The following FAM13A variants were observed in gnomAD, a reference collection of about 807,000 sequenced individuals.
The protein encoded by FAM13A is protein FAM13A.
FAM13A carries 76 observed loss-of-function variants against 129.6 expected under a neutral mutation model. The observed-to-expected ratio is 0.59, with a 90% CI of 0.49 to 0.71. The LOEUF (loss-of-function observed/expected upper bound fraction) is 0.71. FAM13A is among the 30% of genes least tolerant of loss of function. FAM13A has a pLI of 0.00. For missense variants in FAM13A, 1,108 were observed against 1,249.3 expected (o/e 0.89, Z 1.70); for synonymous variants, 443 against 449.9 (o/e 0.98, Z 0.20).
chr4:88,897,013 G>C (rs112458978), intron 6 of FAM13A, among the ~76,000 whole-genome samples: 1 of 152,322 alleles, frequency 6.6e-6, no homozygotes, highest in African/African-American at 2.4e-5. Flanking sequence ...CAAGGGAAAA[G>C]AGAAGGAAGA....
intron 7 of FAM13A, among the ~76,000 whole-genome samples, chr4:88,834,291 G>T (rs1030346055): frequency 7.3e-5 from 11 of 150,872 alleles, no homozygotes; most frequent in African/African-American, 2.7e-4. Context: ...TCTTTTCTTA[G>T]TGTCATTCAT....
intron 14 of FAM13A, among the ~76,000 whole-genome samples, chr4:88,752,838 T>G (rs1357232883): frequency 6.6e-6 from 1 of 152,234 alleles, no homozygotes; most frequent in Non-Finnish European, 1.5e-5. Context: ...GTCATGATAT[T>G]TCATAAGACA....
At chr4:88,907,481 G>C (rs754351114) in intron 5 of FAM13A, among the ~76,000 whole-genome samples, 2 of 152,046 alleles carry the variant, frequency 1.3e-5, no homozygotes, top group Non-Finnish European at 2.9e-5. Context: ...TTTCTAAAGG[G>C]AACAATATAT....
At chr4:88,735,061 G>A (rs905656772) in intron 21 of FAM13A, among the ~76,000 whole-genome samples, 7 of 152,274 alleles carry the variant, frequency 4.6e-5, no homozygotes, top group African/African-American at 9.6e-5. Context: ...TCTGGAACCC[G>A]TATCACATAA....
At chr4:88,901,770 G>A (rs1240231547) in intron 6 of FAM13A, among the ~76,000 whole-genome samples, 1 of 151,784 alleles carries the variant, frequency 6.6e-6, no homozygotes, top group Non-Finnish European at 1.5e-5. Flanking sequence ...ACTGAAGGAG[G>A]TAGAGACATG....
At chr4:88,775,243 C>A (rs1375809797) in intron 11 of FAM13A, among the ~76,000 whole-genome samples, 2 of 152,094 alleles carry the variant, frequency 1.3e-5, no homozygotes, top group Non-Finnish European at 2.9e-5. Context: ...TCAAACACCC[C>A]AAGGCCTTGA....
intron 6 of FAM13A, among the ~76,000 whole-genome samples, chr4:88,864,890 C>T (rs1740114877): frequency 6.6e-6 from 1 of 152,154 alleles, no homozygotes; most frequent in African/African-American, 2.4e-5. Flanking sequence ...AAAACCTATG[C>T]ATAGTATATT....
intron 4 of FAM13A, among the ~76,000 whole-genome samples, chr4:88,979,842 G>A (rs1178705803): frequency 7.2e-5 from 11 of 152,210 alleles, no homozygotes; most frequent in African/African-American, 2.2e-4. Flanking sequence ...GTGGTGGCAT[G>A]TGTCTGTAAT....
intron 4 of FAM13A, among the ~76,000 whole-genome samples, chr4:88,938,751 G>GAATGTACTTA (rs1447285757): frequency 6.6e-6 from 1 of 152,080 alleles, no homozygotes; most frequent in African/African-American, 2.4e-5. Flanking sequence ...CTCTTCTTTT[G>GAATGTACTTA]AATGTACTTA....
intron 12 of FAM13A, 119 bp from the exon 13 acceptor site, chr4:88,767,714 T>A (rs900667302): frequency 2.5e-6 from 2 of 814,868 alleles, no homozygotes; most frequent in African/African-American, 3.5e-5. Context: ...AGCCAAATAC[T>A]TATAAAATTC....
At chr4:88,944,852 G>A (rs1013300340) in intron 4 of FAM13A, among the ~76,000 whole-genome samples, 21 of 151,090 alleles carry the variant, frequency 1.4e-4, no homozygotes, top group African/African-American at 5.1e-4. Flanking sequence ...GCAGTGAGCC[G>A]AGATCATGCC....
chr4:88,748,018 T>C (rs1305567842), intron 17 of FAM13A, among the ~76,000 whole-genome samples, 167 bp from the exon 18 acceptor site: 1 of 152,102 alleles, frequency 6.6e-6, no homozygotes, highest in Admixed American at 6.5e-5. Context: ...GTCTCCTGAG[T>C]AGCTGGGACT....
At position 88,781,288 on chromosome 4, in the gene FAM13A, A is replaced by G. The variant is rs747053933; in HGVS notation, c.1335T>C (p.Asn445=). 3 of 1,613,216 alleles carry G rather than the reference A, an allele frequency of 1.9e-6. No homozygotes were observed. The highest frequency in any genetic ancestry group is 2.5e-6 in the Non-Finnish European group (3 of 1,179,448). ...GFNHLDDCIL[N]TQEVEKVHKN... ...TGTGTACCTTTTCGACTTCCTGAGT[A>G]TTCAAAATACAATCATCAAGGTGGT... Residue 445 remains asparagine (N), a synonymous_variant, in exon 11 of 24, where the codon AAT becomes AAC. Transcript: ENST00000264344.
At chr4:88,997,623 G>A (rs2149042380) in intron 3 of FAM13A, among the ~76,000 whole-genome samples, 1 of 151,920 alleles carries the variant, frequency 6.6e-6, no homozygotes, top group Non-Finnish European at 1.5e-5. Context: ...TCACAGAATG[G>A]CACCTAACTC....
intron 13 of FAM13A, among the ~76,000 whole-genome samples, chr4:88,765,315 C>T: frequency 6.6e-6 from 1 of 152,140 alleles, no homozygotes; most frequent in East Asian, 1.9e-4. Context: ...AGGATGAAGT[C>T]TGTCTTAACG....
chr4:88,965,916 T>G (rs1759294517), intron 4 of FAM13A, among the ~76,000 whole-genome samples: 1 of 152,212 alleles, frequency 6.6e-6, no homozygotes, highest in Admixed American at 6.5e-5. Context: ...TGAATAATAC[T>G]CTCTTGGTTG....
intron 19 of FAM13A, among the ~76,000 whole-genome samples, chr4:88,739,685 G>A (rs1039776733): frequency 1.3e-5 from 2 of 150,340 alleles, no homozygotes; most frequent in African/African-American, 4.9e-5. Context: ...CTATGCAGGA[G>A]GCTGAGGTGG....
intron 6 of FAM13A, among the ~76,000 whole-genome samples, chr4:88,893,021 T>C (rs1047636654): frequency 6.6e-6 from 1 of 152,004 alleles, no homozygotes; most frequent in African/African-American, 2.4e-5. Flanking sequence ...TACAAATCAT[T>C]AAAAAAGTGA....
chr4:88,737,404 C>A (rs1036581130), intron 21 of FAM13A, 68 bp downstream of exon 21: 3 of 1,331,288 alleles, frequency 2.3e-6, no homozygotes, highest in African/African-American at 1.4e-5. Flanking sequence ...TTCCATTCAC[C>A]GGAGGGGAGG....
Sources: allele counts gnomAD v4.1 joint callset (sites outside exome capture counted in the v4.1 genomes callset), GRCh38; gene constraint gnomAD v4.1.1; transcripts MANE v1.5; gene names NCBI Gene and HGNC (gene_info 2026-07-23, HGNC 2026-07-21).